PTPRD: variants seen among roughly 807,000 people sequenced by gnomAD.
PTPRD encodes receptor-type tyrosine-protein phosphatase delta.
A neutral mutation model predicts 214.5 loss-of-function variants in PTPRD; 34 were observed. That is an observed-to-expected ratio of 0.16 (90% confidence interval 0.12 to 0.21). The LOEUF (loss-of-function observed/expected upper bound fraction) is 0.21, where lower values mean the gene tolerates loss of function less well. Ranked by LOEUF, PTPRD falls within the 10% of genes least tolerant of loss-of-function variation. The probability of loss-of-function intolerance (pLI) is 1.00; values close to 1 mark genes in which losing one functional copy is unlikely to be tolerated. For synonymous variants in PTPRD, 1,128 were observed against 845.7 expected, an observed-to-expected ratio of 1.33 and a Z score of -5.79; for missense variants, 2,545 against 2,398.7, an observed-to-expected ratio of 1.06 and a Z score of -1.27.
chr9:8,952,275 A>G (rs1036927820), intron 11 of PTPRD, among the ~76,000 whole-genome samples: 1 of 151,994 alleles, frequency 6.6e-6, no homozygotes, highest in African/African-American at 2.4e-5. Context: ...ATGTTCTTAC[A>G]TGTCAAATCT....
intron 2 of PTPRD, among the ~76,000 whole-genome samples, chr9:10,398,634 G>C (rs533738122): frequency 6.6e-6 from 1 of 152,010 alleles, no homozygotes; most frequent in South Asian, 2.1e-4. Context: ...TTATAATTCA[G>C]TGTAAAAATA....
chr9:9,964,976 A>G (rs1209133269), intron 4 of PTPRD, among the ~76,000 whole-genome samples: 1 of 152,124 alleles, frequency 6.6e-6, no homozygotes, highest in African/African-American at 2.4e-5. Context: ...TCATGCAAAA[A>G]TAGGATGCTA....
chr9:9,235,062 G>C (rs1173615645), intron 9 of PTPRD, among the ~76,000 whole-genome samples: 3 of 152,270 alleles, frequency 2.0e-5, no homozygotes, highest in African/African-American at 2.4e-5. Context: ...AGGTTTAATT[G>C]ACTCACAGTT....
At chr9:9,287,010 AG>A (rs1366398793) in intron 9 of PTPRD, among the ~76,000 whole-genome samples, 1 of 146,228 alleles carries the variant, frequency 6.8e-6, no homozygotes, top group Non-Finnish European at 1.5e-5. Context: ...AGATCACTTG[AG>A]GTCAGGAGTT....
intron 8 of PTPRD, among the ~76,000 whole-genome samples, chr9:9,441,475 G>A (rs2087764731): frequency 1.3e-5 from 2 of 152,168 alleles, no homozygotes; most frequent in African/African-American, 2.4e-5. Context: ...AGTTCAGCTG[G>A]AGCATAGAGT....
At chr9:9,726,816 G>T (rs1299226474) in intron 7 of PTPRD, among the ~76,000 whole-genome samples, 2 of 152,136 alleles carry the variant, frequency 1.3e-5, no homozygotes, top group Non-Finnish European at 2.9e-5. Flanking sequence ...ACAAATAAGG[G>T]AGGAGAATGA....
intron 10 of PTPRD, among the ~76,000 whole-genome samples, chr9:9,105,980 C>T (rs896842457): frequency 6.6e-6 from 1 of 151,980 alleles, no homozygotes; most frequent in Non-Finnish European, 1.5e-5. Context: ...TGTAGACCTG[C>T]AGGGTCTTAG....
At chr9:8,627,755 TCTCCCCTTACTA>T (rs1435731942) in intron 14 of PTPRD, among the ~76,000 whole-genome samples, 1 of 151,800 alleles carries the variant, frequency 6.6e-6, no homozygotes, top group East Asian at 1.9e-4. Flanking sequence ...AGTTTTAATG[TCTCCCCTTACTA>T]GGGTCTCTCA....
intron 2 of PTPRD, among the ~76,000 whole-genome samples, chr9:10,489,939 A>G (rs780854937): frequency 1.1e-4 from 16 of 152,204 alleles, no homozygotes; most frequent in Admixed American, 1.3e-4. Context: ...CTCTTTCAGC[A>G]ATATAAAGTT....
chr9:10,426,394 A>C (rs909835345), intron 2 of PTPRD, among the ~76,000 whole-genome samples: 3 of 151,976 alleles, frequency 2.0e-5, no homozygotes, highest in African/African-American at 7.2e-5. Flanking sequence ...AAAAAAGCCC[A>C]AAAATTTTCG....
intron 33 of PTPRD, among the ~76,000 whole-genome samples, chr9:8,450,068 C>A (rs1361189880): frequency 6.6e-6 from 1 of 152,052 alleles, no homozygotes; most frequent in African/African-American, 2.4e-5. Context: ...CCTCCAACTG[C>A]AGGATTAAAT....
At chr9:9,531,777 G>T (rs2154264578) in intron 8 of PTPRD, among the ~76,000 whole-genome samples, 1 of 152,174 alleles carries the variant, frequency 6.6e-6, no homozygotes, top group South Asian at 2.1e-4. Context: ...CTTGGGAGCA[G>T]GATTGCTGGG....
chr9:9,398,048 A>T (rs756823880), intron 8 of PTPRD, among the ~76,000 whole-genome samples: 5 of 151,270 alleles, frequency 3.3e-5, no homozygotes, highest in Non-Finnish European at 5.9e-5. Context: ...ATCTCCCACT[A>T]TTTTCCCTTG....
At chr9:10,035,236 C>T (rs535906062) in intron 3 of PTPRD, among the ~76,000 whole-genome samples, 166 of 152,134 alleles carry the variant, frequency 1.1e-3, no homozygotes, top group Non-Finnish European at 2.0e-3. Context: ...TTGTTGGCCG[C>T]ATGTAGGTCT....
intron 12 of PTPRD, among the ~76,000 whole-genome samples, chr9:8,714,419 G>T (rs2098407618): frequency 6.6e-6 from 1 of 151,566 alleles, no homozygotes; most frequent in African/African-American, 2.4e-5. Flanking sequence ...TTTTCTGCCT[G>T]TTGGCTCTTA....
At chr9:9,369,413 A>T (rs2058811318) in intron 9 of PTPRD, among the ~76,000 whole-genome samples, 2 of 152,088 alleles carry the variant, frequency 1.3e-5, no homozygotes, top group Admixed American at 1.3e-4. Context: ...TCTTCTTTTG[A>T]GAAGTGTCTG....
chr9:9,969,664 G>A (rs1004114809), intron 4 of PTPRD, among the ~76,000 whole-genome samples: 4 of 152,126 alleles, frequency 2.6e-5, no homozygotes, highest in South Asian at 4.1e-4. Context: ...CTGCTCCTTG[G>A]GGCTGCCGCT....
intron 11 of PTPRD, among the ~76,000 whole-genome samples, chr9:8,946,972 CT>C (rs923547603): frequency 6.9e-5 from 10 of 144,936 alleles, no homozygotes; most frequent in African/African-American, 2.0e-4. Flanking sequence ...TTCTGCCTAT[CT>C]TTTTTTTTCT....
At chr9:10,260,341 A>G (rs565375620) in intron 3 of PTPRD, among the ~76,000 whole-genome samples, 9 of 152,298 alleles carry the variant, frequency 5.9e-5, no homozygotes, top group Non-Finnish European at 1.0e-4. Flanking sequence ...TCTTGTCCTA[A>G]TTATATCCTT....
Sources: gnomAD v4.1 joint callset for allele counts (sites outside exome capture counted in the v4.1 genomes callset) on GRCh38, gnomAD v4.1.1 for gene constraint, MANE v1.5 for transcripts, NCBI Gene and HGNC (gene_info 2026-07-23, HGNC 2026-07-21) for gene names.